ADCY2: variants seen among roughly 807,000 people sequenced by gnomAD.
ADCY2 encodes the protein adenylate cyclase 2, also known as adenylate cyclase type 2.
ADCY2 carries 31 observed loss-of-function variants against 125.2 expected under a neutral mutation model. That is an observed-to-expected ratio of 0.25 (90% CI 0.19 to 0.33). The LOEUF is 0.33. ADCY2 is among the 10% of genes least tolerant of loss of function. The pLI, the probability that ADCY2 is intolerant of heterozygous loss-of-function variation, is 1.00. For missense variants in ADCY2, 904 were observed against 1,418.2 expected (o/e 0.64, Z 5.82); for synonymous variants, 512 against 548.4 (o/e 0.93, Z 0.93).
chr5:7,667,901 G>C (rs2914299), intron 4 of ADCY2, among the ~76,000 whole-genome samples: 149,970 of 152,296 alleles, frequency 0.98, 73,887 homozygotes, highest in East Asian at 1. Context: ...TGTGACTTCT[G>C]TAGAACAAGG....
intron 2 of ADCY2, among the ~76,000 whole-genome samples, chr5:7,483,444 G>C (rs1579489765): frequency 6.6e-6 from 1 of 152,140 alleles, no homozygotes; most frequent in Middle Eastern, 3.4e-3. Context: ...TCATCTTAGA[G>C]AGACCAGTGG....
chr5:7,592,350 T>C (rs543971981), intron 3 of ADCY2, among the ~76,000 whole-genome samples: 34 of 152,264 alleles, frequency 2.2e-4, no homozygotes, highest in African/African-American at 7.7e-4. Flanking sequence ...TAAAAAAACT[T>C]TGTTATTAAT....
intron 15 of ADCY2, among the ~76,000 whole-genome samples, chr5:7,756,980 A>G (rs1025356107): frequency 1.3e-5 from 2 of 152,196 alleles, no homozygotes; most frequent in African/African-American, 2.4e-5. Flanking sequence ...TCAGGCGCCA[A>G]ACTAAGTCTG....
intron 15 of ADCY2, among the ~76,000 whole-genome samples, chr5:7,751,263 C>T (rs777151695): frequency 6.6e-6 from 1 of 152,100 alleles, no homozygotes; most frequent in African/African-American, 2.4e-5. Context: ...TTACTTTAAT[C>T]TTAATTTAGA....
chr5:7,464,373 T>G (rs965728793), intron 2 of ADCY2, among the ~76,000 whole-genome samples: 1 of 152,090 alleles, frequency 6.6e-6, no homozygotes, highest in African/African-American at 2.4e-5. Context: ...GTGCCAAACA[T>G]GTAAGTGAAG....
At chr5:7,541,115 T>G (rs1734981601) in intron 3 of ADCY2, among the ~76,000 whole-genome samples, 1 of 152,190 alleles carries the variant, frequency 6.6e-6, no homozygotes, top group Admixed American at 6.5e-5. Context: ...TCTCTCTTCA[T>G]GAAATAAGCA....
chr5:7,664,986 C>A (rs1739663631), intron 4 of ADCY2, among the ~76,000 whole-genome samples: 1 of 152,140 alleles, frequency 6.6e-6, no homozygotes. Context: ...AGCCCCGCCC[C>A]CTCCTCCTCA....
At chr5:7,605,942 G>A (rs1431486808) in intron 3 of ADCY2, among the ~76,000 whole-genome samples, 1 of 116,626 alleles carries the variant, frequency 8.6e-6, no homozygotes, top group Non-Finnish European at 1.7e-5. Flanking sequence ...GATATTGGCT[G>A]TGGGTTTGTC....
intron 3 of ADCY2, among the ~76,000 whole-genome samples, chr5:7,568,814 T>C (rs932312360): frequency 2.0e-5 from 3 of 152,320 alleles, no homozygotes; most frequent in South Asian, 2.1e-4. Flanking sequence ...TTATTCTTTG[T>C]AGCCGCGTAG....
intron 3 of ADCY2, among the ~76,000 whole-genome samples, chr5:7,558,396 G>C (rs1291811061): frequency 6.6e-6 from 1 of 152,096 alleles, no homozygotes; most frequent in African/African-American, 2.4e-5. Context: ...GTGTGAGATG[G>C]TATCTTATTG....
chr5:7,415,344 G>A (rs906363636), intron 2 of ADCY2, among the ~76,000 whole-genome samples: 12 of 152,092 alleles, frequency 7.9e-5, no homozygotes, highest in Admixed American at 6.6e-4. Context: ...CAAACCCATC[G>A]TACCACAGCC....
intron 7 of ADCY2, among the ~76,000 whole-genome samples, chr5:7,700,782 C>A (rs1741054391): frequency 7.2e-6 from 1 of 139,440 alleles, no homozygotes; most frequent in South Asian, 2.2e-4. Flanking sequence ...AATGGAGAGA[C>A]CCGCATGTTC....
intron 3 of ADCY2, among the ~76,000 whole-genome samples, chr5:7,586,933 A>G (rs1345850865): frequency 6.6e-6 from 1 of 152,090 alleles, no homozygotes. Context: ...TAATTTATCT[A>G]TCTGTAGAGA....
chr5:7,651,988 G>A (rs964412538), intron 4 of ADCY2, among the ~76,000 whole-genome samples: 1 of 151,990 alleles, frequency 6.6e-6, no homozygotes, highest in Non-Finnish European at 1.5e-5. Flanking sequence ...GTTTTAGTAA[G>A]GACGGGGGTT....
intron 2 of ADCY2, among the ~76,000 whole-genome samples, chr5:7,448,865 T>C (rs1741374569): frequency 6.6e-6 from 1 of 152,234 alleles, no homozygotes; most frequent in South Asian, 2.1e-4. Context: ...ATTTTCTTTA[T>C]CCAGTCTATC....
At chr5:7,656,104 G>C (rs1444352018) in intron 4 of ADCY2, among the ~76,000 whole-genome samples, 3 of 150,216 alleles carry the variant, frequency 2.0e-5, no homozygotes, top group African/African-American at 7.4e-5. Flanking sequence ...GCCCAGGCTG[G>C]AGTGCAATGG....
chr5:7,397,009 A>C (rs1739076610), intron 1 of ADCY2, among the ~76,000 whole-genome samples: 1 of 152,220 alleles, frequency 6.6e-6, no homozygotes, highest in African/African-American at 2.4e-5. Context: ...ATGACAAGGA[A>C]AATGAAGAAG....
At chr5:7,749,587 C>T (rs139321379) in intron 15 of ADCY2, among the ~76,000 whole-genome samples, 60 of 152,270 alleles carry the variant, frequency 3.9e-4, no homozygotes, top group African/African-American at 1.2e-3. Flanking sequence ...CTGAGGCAGA[C>T]TTACCTTTCT....
At chr5:7,662,421 A>C (rs988704084) in intron 4 of ADCY2, among the ~76,000 whole-genome samples, 1 of 152,166 alleles carries the variant, frequency 6.6e-6, no homozygotes, top group African/African-American at 2.4e-5. Flanking sequence ...TGCCCCCTCC[A>C]CGGCATAGTG....
Sources: allele counts gnomAD v4.1 joint callset (sites outside exome capture counted in the v4.1 genomes callset), GRCh38; gene constraint gnomAD v4.1.1; transcripts MANE v1.5; gene names NCBI Gene and HGNC (gene_info 2026-07-23, HGNC 2026-07-21).